SPMAP2L: variants seen among roughly 807,000 people sequenced by gnomAD.
SPMAP2L encodes sperm microtubule associated protein 2 like, also known as sperm microtubule associated protein 2-like.
chr4:56,573,901 G>T, the SPMAP2L span, among the ~76,000 whole-genome samples: 1 of 152,182 alleles, frequency 6.6e-6, no homozygotes, highest in African/African-American at 2.4e-5. Context: ...CAGCCTAGAT[G>T]TAAAGGATGT....
the SPMAP2L span, chr4:56,575,453 A>G: frequency 6.5e-7 from 1 of 1,527,172 alleles, no homozygotes; most frequent in Non-Finnish European, 8.8e-7. Flanking sequence ...TACTATGACA[A>G]TTTGAAATCA....
At chr4:56,559,571 T>A in the SPMAP2L span, 6 of 1,425,942 alleles carry the variant, frequency 4.2e-6, no homozygotes, top group Non-Finnish European at 5.5e-6. Context: ...TTTTTGTTGT[T>A]GTTTTTTGCT....
At chr4:56,588,453 C>T in the SPMAP2L span, among the ~76,000 whole-genome samples, 22 of 145,728 alleles carry the variant, frequency 1.5e-4, no homozygotes, top group African/African-American at 4.6e-4. Context: ...TTTTTTGAGA[C>T]GGAGGTTCAT....
At chr4:56,593,555 T>C in the SPMAP2L span, 2 of 1,602,086 alleles carry the variant, frequency 1.2e-6, no homozygotes, top group Non-Finnish European at 1.7e-6. Context: ...TTTAGCTTTG[T>C]GCATCTTGAG....
the SPMAP2L span, among the ~76,000 whole-genome samples, chr4:56,553,617 A>G: frequency 6.7e-6 from 1 of 150,354 alleles, no homozygotes; most frequent in African/African-American, 2.4e-5. Context: ...AGTTTTTCCT[A>G]CTACTAACAT....
the SPMAP2L span, chr4:56,575,548 G>T: frequency 6.5e-7 from 1 of 1,535,424 alleles, no homozygotes; most frequent in East Asian, 2.4e-5. Context: ...TGTAATTTGG[G>T]AGATCACTCC....
the SPMAP2L span, chr4:56,584,564 C>A: frequency 1.3e-6 from 2 of 1,535,418 alleles, no homozygotes; most frequent in Non-Finnish European, 8.7e-7. Context: ...GATATTACAA[C>A]TCTCAGTAGC....
the SPMAP2L span, chr4:56,595,435 C>T: frequency 3.1e-6 from 5 of 1,606,304 alleles, no homozygotes; most frequent in East Asian, 2.2e-5. Flanking sequence ...GATCAGCATT[C>T]GGCAGGAAGT....
At chr4:56,571,566 C>T in the SPMAP2L span, among the ~76,000 whole-genome samples, 3 of 152,226 alleles carry the variant, frequency 2.0e-5, 1 homozygote, top group South Asian at 6.2e-4. Flanking sequence ...ATCTGCCTGC[C>T]TGAGCATGGT....
the SPMAP2L span, among the ~76,000 whole-genome samples, chr4:56,555,872 A>G: frequency 1.3e-5 from 2 of 152,160 alleles, no homozygotes; most frequent in South Asian, 4.1e-4. Context: ...AAAATATAGT[A>G]TGCATTAAAT....
the SPMAP2L span, among the ~76,000 whole-genome samples, chr4:56,543,319 G>A: frequency 9.9e-5 from 15 of 152,180 alleles, no homozygotes; most frequent in African/African-American, 2.4e-4. Context: ...TCCTGCCCTC[G>A]TGATCTGCCC....
chr4:56,572,751 C>T, the SPMAP2L span, among the ~76,000 whole-genome samples: 1 of 149,782 alleles, frequency 6.7e-6, no homozygotes, highest in Admixed American at 6.6e-5. Flanking sequence ...AGTGGTGACT[C>T]ACACCTGTAA....
the SPMAP2L span, among the ~76,000 whole-genome samples, chr4:56,603,717 T>C: frequency 9.9e-5 from 15 of 152,176 alleles, no homozygotes; most frequent in Non-Finnish European, 2.2e-4. Flanking sequence ...CAGTCCCTTC[T>C]CCAGTAAGTC....
the SPMAP2L span, chr4:56,559,653 C>T: frequency 2.2e-5 from 20 of 897,964 alleles, no homozygotes; most frequent in African/African-American, 1.2e-4. Context: ...CTGCAACCTC[C>T]GCCTCCCAGG....
At chr4:56,601,075 C>T in the SPMAP2L span, 3 of 1,535,010 alleles carry the variant, frequency 2.0e-6, no homozygotes, top group Non-Finnish European at 2.6e-6. Flanking sequence ...CAAAGCATCA[C>T]CTAGGATTCA....
the SPMAP2L span, among the ~76,000 whole-genome samples, chr4:56,550,542 A>G: frequency 6.6e-6 from 1 of 152,304 alleles, no homozygotes; most frequent in South Asian, 2.1e-4. Flanking sequence ...GAATATTACC[A>G]AGTATCCACT....
At chr4:56,554,563 T>C in the SPMAP2L span, among the ~76,000 whole-genome samples, 1 of 152,232 alleles carries the variant, frequency 6.6e-6, no homozygotes, top group Admixed American at 6.5e-5. Flanking sequence ...TGGATGCCAG[T>C]CCTTTATCAG....
the SPMAP2L span, among the ~76,000 whole-genome samples, chr4:56,553,589 T>C: frequency 6.6e-6 from 1 of 152,022 alleles, no homozygotes; most frequent in Non-Finnish European, 1.5e-5. Context: ...AGTTTCCATA[T>C]TTACCACCCC....
the SPMAP2L span, among the ~76,000 whole-genome samples, chr4:56,622,897 A>G: frequency 2.6e-5 from 4 of 152,112 alleles, no homozygotes; most frequent in African/African-American, 9.7e-5. Flanking sequence ...TGGTGGAAAA[A>G]CAGTCTCGCA....
Sources: allele counts gnomAD v4.1 joint callset (sites outside exome capture counted in the v4.1 genomes callset), GRCh38; gene constraint gnomAD v4.1.1; transcripts MANE v1.5; gene names NCBI Gene and HGNC (gene_info 2026-07-23, HGNC 2026-07-21).